The following SIPA1L1 variants were observed in gnomAD, a reference collection of about 807,000 sequenced individuals.
The protein encoded by SIPA1L1 is signal induced proliferation associated 1 like 1, also known as signal-induced proliferation-associated 1-like protein 1.
A neutral mutation model predicts 162.7 loss-of-function variants in SIPA1L1; 26 were observed. The ratio of observed to expected loss-of-function variants is 0.16; its 90% confidence interval spans 0.12 to 0.22. The LOEUF (loss-of-function observed/expected upper bound fraction) is 0.22. Ranked by LOEUF, SIPA1L1 falls within the 10% of genes least tolerant of loss-of-function variation. The pLI is 1.00. For synonymous variants in SIPA1L1, 829 were observed against 837.4 expected, an observed-to-expected ratio of 0.99 and a Z score of 0.17; for missense variants, 1,874 against 2,241.0, an observed-to-expected ratio of 0.84 and a Z score of 3.31.
At chr14:71,454,377 T>C (rs1476793875) in intron 2 of SIPA1L1, among the ~76,000 whole-genome samples, 1 of 152,204 alleles carries the variant, frequency 6.6e-6, no homozygotes, top group Non-Finnish European at 1.5e-5. Context: ...GCGCCAGTAA[T>C]ATATAAAAGT....
chr14:71,657,509 A>G (rs1305533660), intron 8 of SIPA1L1, among the ~76,000 whole-genome samples: 1 of 152,022 alleles, frequency 6.6e-6, no homozygotes, highest in East Asian at 1.9e-4. Flanking sequence ...GCTTCCAGGT[A>G]CTTGTGGGAA....
intron 4 of SIPA1L1, among the ~76,000 whole-genome samples, chr14:71,558,155 G>A (rs1296295423): frequency 6.6e-6 from 1 of 152,082 alleles, no homozygotes; most frequent in African/African-American, 2.4e-5. Context: ...AACATTTTTA[G>A]GGCAGTATTT....
chr14:71,677,081 C>A (rs893767477), intron 12 of SIPA1L1, among the ~76,000 whole-genome samples: 5 of 152,180 alleles, frequency 3.3e-5, no homozygotes, highest in African/African-American at 1.2e-4. Flanking sequence ...CTAGTTTACA[C>A]TCCCACCAAC....
intron 7 of SIPA1L1, among the ~76,000 whole-genome samples, chr14:71,626,972 C>G (rs2040060059): frequency 6.6e-6 from 1 of 151,774 alleles, no homozygotes; most frequent in Non-Finnish European, 1.5e-5. Context: ...GCACAAAAAT[C>G]TAATAATTTT....
At position 71,671,633 on chromosome 14, in the gene SIPA1L1, G is replaced by A. The variant is rs375693795; in HGVS notation, c.2770G>A (p.Val924Ile). ...AATCTTCTATGAACGAGGAGAATGT[G>A]TTTCAGTGGGTAGTTTTATTAACAT... ...LKIFYERGEC[V>I]SVGSFINIEE... Residue 924 changes from valine to isoleucine, a missense_variant, in exon 11 of 24, where the codon GTT becomes ATT. Coordinates refer to ENST00000381232, the MANE Select transcript of SIPA1L1 (RefSeq NM_001386936.1). The A allele has an allele frequency of 3.7e-6, 6 of 1,613,704 alleles. No homozygotes were observed. In the African/African-American group the frequency reaches 6.7e-5, roughly 18 times the overall value.
chr14:71,590,647 G>C (rs1339046913), intron 5 of SIPA1L1, among the ~76,000 whole-genome samples: 5 of 152,004 alleles, frequency 3.3e-5, no homozygotes, highest in Admixed American at 3.3e-4. Flanking sequence ...CGTGGGTCTT[G>C]GAATCAATAT....
chr14:71,615,840 T>TA (rs1243677715), intron 5 of SIPA1L1, among the ~76,000 whole-genome samples: 1 of 151,826 alleles, frequency 6.6e-6, no homozygotes, highest in Non-Finnish European at 1.5e-5. Context: ...ACAAAAAATA[T>TA]AAAAAATTAG....
intron 2 of SIPA1L1, among the ~76,000 whole-genome samples, chr14:71,455,854 C>T (rs935884728): frequency 1.3e-5 from 2 of 152,060 alleles, no homozygotes; most frequent in Admixed American, 6.6e-5. Context: ...GATGCCTTTC[C>T]CTTCACATAT....
chr14:71,590,034 AAAAAAAAAAAAT>A lies in SIPA1L1; in HGVS notation c.1498+666_1498+677del, dbSNP rs1234178921. Among the ~76,000 whole-genome samples the A allele has an allele frequency of 9.1e-3, 661 of 72,556 alleles. 2 individuals are homozygous for A. Among genetic ancestry groups the A allele is most frequent in the South Asian group, 0.03 (57 of 1,896 alleles). 47.6% of individuals were successfully genotyped at this position (72,556 alleles called of 152,430 possible). On this transcript the variant is annotated intron_variant, in intron 5 of 23. Coordinates refer to ENST00000381232, the MANE Select transcript of SIPA1L1 (RefSeq NM_001386936.1). Reference sequence around the variant, plus strand: ...TGAGTGGGAGAGTAAAAAAAAAAAAAAAAAAAAAAAATATATATATATATATATATATATATA... The same window carrying A: ...TGAGTGGGAGAGTAAAAAAAAAAAAAATATATATATATATATATATATATA...
intron 4 of SIPA1L1, among the ~76,000 whole-genome samples, chr14:71,578,661 G>T (rs1004450308): frequency 2.0e-5 from 3 of 152,184 alleles, no homozygotes; most frequent in Non-Finnish European, 4.4e-5. Flanking sequence ...AAAATCATCA[G>T]GAAGATACAT....
chr14:71,619,365 G>A (rs925719839), intron 6 of SIPA1L1, among the ~76,000 whole-genome samples: 2 of 152,036 alleles, frequency 1.3e-5, no homozygotes, highest in Non-Finnish European at 2.9e-5. Flanking sequence ...CTATCTTTGG[G>A]ACCCATTGTC....
intron 2 of SIPA1L1, among the ~76,000 whole-genome samples, chr14:71,405,047 TAAC>T (rs2041943980): frequency 6.6e-6 from 1 of 152,204 alleles, no homozygotes; most frequent in South Asian, 2.1e-4. Context: ...ACTCAGTAAA[TAAC>T]AAGTATCAAA....
At chr14:71,587,542 C>G in intron 4 of SIPA1L1, 29 bp from the exon 5 acceptor site, 1 of 408,578 alleles carries the variant, frequency 2.4e-6, no homozygotes, top group Non-Finnish European at 4.3e-6. Context: ...TATTTATCTG[C>G]TAATTCAAAT....
intron 6 of SIPA1L1, among the ~76,000 whole-genome samples, chr14:71,619,996 G>A (rs118179430): frequency 1.4e-3 from 208 of 152,328 alleles, no homozygotes; most frequent in Non-Finnish European, 2.5e-3. Context: ...CACGAAGAAC[G>A]TCATGTTCTG....
At chr14:71,610,172 T>C (rs921650479) in intron 5 of SIPA1L1, among the ~76,000 whole-genome samples, 1 of 152,220 alleles carries the variant, frequency 6.6e-6, no homozygotes, top group Admixed American at 6.5e-5. Context: ...ACTAATATTG[T>C]TTGTTGTCTG....
chr14:71,387,484 C>T (rs1350472513), intron 2 of SIPA1L1, among the ~76,000 whole-genome samples: 5 of 152,026 alleles, frequency 3.3e-5, no homozygotes, highest in Non-Finnish European at 5.9e-5. Context: ...AAGGTCACAT[C>T]TTAAAGTTTG....
At position 71,739,288 on chromosome 14, in the gene SIPA1L1, G is replaced by T. The variant is rs1332003667; in HGVS notation, c.*127G>T. 3 of 811,180 alleles carry T rather than the reference G, an allele frequency of 3.7e-6. No homozygotes were observed. The highest frequency in any genetic ancestry group is 3.4e-5 in the African/African-American group (2 of 58,522). 50.2% of individuals were successfully genotyped at this position (811,180 alleles called of 1,614,324 possible). On this transcript the variant is annotated 3_prime_UTR_variant, in exon 24 of 24. Coordinates refer to ENST00000381232, the MANE Select transcript of SIPA1L1 (RefSeq NM_001386936.1). ...TGGCTTCCTACTCTGCCCCCTTTCG[G>T]GGAGTGCACAACACAATAGTTGCAG...
In SIPA1L1 at chr14:71,592,375, A is replaced by C. The variant is rs937984858; in HGVS notation, c.1498+3005A>C. 2.0e-5 allele frequency among the ~76,000 whole-genome samples: 3 copies of C among 152,326 alleles called. No individual in the cohort carries two copies. The South Asian group carries it at 6.2e-4, about 32-fold the overall frequency. On this transcript the variant is annotated intron_variant, in intron 5 of 23. Coordinates refer to ENST00000381232, the MANE Select transcript of SIPA1L1 (RefSeq NM_001386936.1). ...TTGTTTATACTTTTATATAGTATAA[A>C]ACATATCTAAACAAACAACTCTGTC... is the stretch of plus-strand genomic sequence containing the variant.
chr14:71,542,737 TTCTC>T (rs1244466432), intron 4 of SIPA1L1, among the ~76,000 whole-genome samples: 1 of 139,862 alleles, frequency 7.1e-6, no homozygotes, highest in Admixed American at 7.2e-5. Flanking sequence ...CTCCTCCTTC[TTCTC>T]TCTCTCTCTT....
Sources: gnomAD v4.1 joint callset for allele counts (sites outside exome capture counted in the v4.1 genomes callset) on GRCh38, gnomAD v4.1.1 for gene constraint, MANE v1.5 for transcripts, NCBI Gene and HGNC (gene_info 2026-07-23, HGNC 2026-07-21) for gene names.